MPLKIP: variants seen among roughly 807,000 people sequenced by gnomAD.
The protein encoded by MPLKIP is M-phase specific PLK1 interacting protein.
A neutral mutation model predicts 16.9 loss-of-function variants in MPLKIP; 16 were observed. The observed-to-expected ratio is 0.94, with a 90% CI of 0.64 to 1.43. MPLKIP has a LOEUF of 1.43. Ranked by LOEUF, MPLKIP falls within the 40% of genes most tolerant of loss-of-function variation. The probability of loss-of-function intolerance (pLI) is 0.00; values close to 1 mark genes in which losing one functional copy is unlikely to be tolerated. For missense variants in MPLKIP, 282 were observed against 237.6 expected (o/e 1.19, Z -1.23); for synonymous variants, 126 against 98.4 (o/e 1.28, Z -1.66).
At chr7:40,133,962 A>G (rs1424123835) in intron 1 of MPLKIP, among the ~76,000 whole-genome samples, 1 of 152,076 alleles carries the variant, frequency 6.6e-6, no homozygotes. Context: ...ACAGGAGGAA[A>G]TGGAGAATTA....
chr7:40,134,257 G>A lies in MPLKIP; in HGVS notation c.311C>T (p.Ser104Phe), dbSNP rs1053907559. 2 of 1,560,004 alleles carry A rather than the reference G, an allele frequency of 1.3e-6. No homozygotes were observed. Among genetic ancestry groups the A allele is most frequent in the Admixed American group, 1.9e-5 (1 of 52,092 alleles). The change falls in exon 1 of 2, where the codon TCC (serine) becomes TTC (phenylalanine). Residue 104 changes from serine to phenylalanine, a missense_variant. Transcript: ENST00000306984. ...PAGSQQQFGY[S>F]PGQQQTHPQG... ...GGGGTGGGTCTGCTGCTGCCCTGGG[G>A]AGTAGCCGAATTGCTGCTGGGACCC...
In MPLKIP at chr7:40,134,535, A is replaced by C. The variant is rs754784607; in HGVS notation, c.33T>G (p.Pro11=). Residue 11 remains proline, a synonymous_variant, in exon 1 of 2, where the codon CCT becomes CCG. Coordinates refer to ENST00000306984, the MANE Select transcript of MPLKIP (RefSeq NM_138701.4). MQRQNFRPPT[P]PYPGPGGGGW... is the part of the protein sequence containing the mutation. Reference sequence around the variant, plus strand: ...CTCCTCCACCCGGACCAGGGTAAGGAGGAGTTGGGGGCCGAAAATTCTGTC... The same window carrying C: ...CTCCTCCACCCGGACCAGGGTAAGGCGGAGTTGGGGGCCGAAAATTCTGTC... 1 of 1,594,090 alleles carries C rather than the reference A, an allele frequency of 6.3e-7. No homozygotes were observed. Among genetic ancestry groups the C allele is most frequent in the Non-Finnish European group, 8.5e-7 (1 of 1,172,120 alleles).
rs1173773768 is a variant in MPLKIP, at chr7:40,133,052, A to G, written c.*7T>C. 1 of 1,613,010 alleles carries G rather than the reference A, an allele frequency of 6.2e-7. No homozygotes were observed. Among genetic ancestry groups the G allele is most frequent in the Non-Finnish European group, 8.5e-7 (1 of 1,179,290 alleles). On this transcript the variant is annotated 3_prime_UTR_variant, in exon 2 of 2. Coordinates refer to ENST00000306984, the MANE Select transcript of MPLKIP (RefSeq NM_138701.4). Reference sequence around the variant, plus strand: ...CACATGAAGCTTCCAGTTGAATTTCAGAAATGTTAACAAAAGTATCTTCCT... The same window carrying G: ...CACATGAAGCTTCCAGTTGAATTTCGGAAATGTTAACAAAAGTATCTTCCT...
rs143634004 is a variant in MPLKIP at position 40,132,878 on chromosome 7, G to C, written c.*181C>G. 8 of 628,698 alleles carry C rather than the reference G, an allele frequency of 1.3e-5. No individual in the cohort carries two copies. In the East Asian group the frequency reaches 2.2e-4, roughly 18 times the overall value. 38.9% of individuals were successfully genotyped at this position (628,698 alleles called of 1,614,324 possible). ...GTAGGTACTTCCAGAGCTAAATGTT[G>C]CAAGTTATCCTACTTTTTTCTCTAA... is the stretch of plus-strand genomic sequence containing the variant. On this transcript the variant is annotated 3_prime_UTR_variant, in exon 2 of 2. Coordinates refer to ENST00000306984, the MANE Select transcript of MPLKIP (RefSeq NM_138701.4).
rs1018835641 is a variant in MPLKIP at position 40,132,559 on chromosome 7, G to A, written c.*500C>T. ...GCATTAGATAAAATGAGTATGAACA[G>A]AACTCTGTTATTCTCATCCTCATTA... On this transcript the variant is annotated 3_prime_UTR_variant, in exon 2 of 2. Coordinates refer to ENST00000306984, the MANE Select transcript of MPLKIP (RefSeq NM_138701.4). The A allele has an allele frequency of 5.6e-6, 1 of 178,422 alleles. No individual in the cohort carries two copies. The highest frequency in any genetic ancestry group is 1.2e-5 in the Non-Finnish European group (1 of 83,722). The allele number at this position is 178,422 out of a possible 1,614,324, so 11.1% of individuals were successfully genotyped here.
rs975466337 is a variant in MPLKIP at position 40,132,131 on chromosome 7, C to G, written c.*928G>C. 2.6e-5 allele frequency: 4 copies of G among 152,232 alleles called. No individual in the cohort carries two copies. The highest frequency in any genetic ancestry group is 9.7e-5 in the African/African-American group (4 of 41,450). The allele number at this position is 152,232 out of a possible 1,614,324, so 9.4% of individuals were successfully genotyped here. On this transcript the variant is annotated 3_prime_UTR_variant, in exon 2 of 2. Coordinates refer to ENST00000306984, the MANE Select transcript of MPLKIP (RefSeq NM_138701.4). The stretch of plus-strand genomic sequence containing the variant: ...TCCCTTAATTTGGAAAACCACTTCT[C>G]TACTCCAGGTAGGCCCAGTGGTGTT...
chr7:40,126,412 T>G lies in MPLKIP; in HGVS notation c.*6647A>C, dbSNP rs2150557686. On this transcript the variant is annotated 3_prime_UTR_variant, in exon 2 of 2. Coordinates refer to ENST00000306984, the MANE Select transcript of MPLKIP (RefSeq NM_138701.4). ...TCCTTTCTCCTATGGTCATTTAGAT[T>G]GTTGGCAATCTTTCAACTGTAAAAA... The G allele has an allele frequency of 6.6e-6, 1 of 152,370 alleles. No individual in the cohort carries two copies. The highest frequency in any genetic ancestry group is 1.5e-5 in the Non-Finnish European group (1 of 68,038). 9.4% of individuals were successfully genotyped at this position (152,370 alleles called of 1,614,324 possible).
rs1787408491 is a variant in MPLKIP at position 40,127,583 on chromosome 7, A to C, written c.*5476T>G. On this transcript the variant is annotated 3_prime_UTR_variant, in exon 2 of 2. Coordinates refer to ENST00000306984, the MANE Select transcript of MPLKIP (RefSeq NM_138701.4). Reference sequence around the variant, plus strand: ...AAAAGTATTGTATGGTATTTTATCAAACTAAGACATGTATTTAACATCTCT... The same window carrying C: ...AAAAGTATTGTATGGTATTTTATCACACTAAGACATGTATTTAACATCTCT... 1 of 152,080 alleles carries C rather than the reference A, an allele frequency of 6.6e-6. No individual in the cohort carries two copies. Among genetic ancestry groups the C allele is most frequent in the Non-Finnish European group, 1.5e-5 (1 of 68,016 alleles). The allele number at this position is 152,080 out of a possible 1,614,324, so 9.4% of individuals were successfully genotyped here. A position where few individuals can be genotyped will look rare whatever the true frequency, so the allele number is the denominator to read the frequency against.
At chr7:40,134,067 G>A (rs1032125295) in intron 1 of MPLKIP, among the ~76,000 whole-genome samples, 162 bp downstream of exon 1, 2 of 152,052 alleles carry the variant, frequency 1.3e-5, no homozygotes, top group Non-Finnish European at 2.9e-5. Flanking sequence ...ATAATCTTCC[G>A]GAAGTCACTC....
Position 40,132,496 on chromosome 7 carries a change from G to A in MPLKIP, c.*563C>T, listed in dbSNP as rs557665686. The stretch of plus-strand genomic sequence containing the variant: ...TGAGTATAAAGTTATGCTTAAATGG[G>A]TTTCTGGGGCTTCAAGTTTTAATGC... On this transcript the variant is annotated 3_prime_UTR_variant, in exon 2 of 2. Coordinates refer to ENST00000306984, the MANE Select transcript of MPLKIP (RefSeq NM_138701.4). 4.2e-4 allele frequency: 68 copies of A among 162,548 alleles called. No homozygotes were observed. Among genetic ancestry groups the A allele is most frequent in the Admixed American group, 6.5e-4 (11 of 16,858 alleles). 10.1% of individuals were successfully genotyped at this position (162,548 alleles called of 1,614,324 possible).
chr7:40,126,579 C>T lies in MPLKIP; in HGVS notation c.*6480G>A, dbSNP rs1009048742. ...CTCCCAAGTAGCTGGGATACAGGCACATGCCACCATGTCTAATTTTTGTAT... is the reference window on the plus strand; with the variant it reads ...CTCCCAAGTAGCTGGGATACAGGCATATGCCACCATGTCTAATTTTTGTAT... On this transcript the variant is annotated 3_prime_UTR_variant, in exon 2 of 2. Coordinates refer to ENST00000306984, the MANE Select transcript of MPLKIP (RefSeq NM_138701.4). 7 of 151,858 alleles carry T rather than the reference C, an allele frequency of 4.6e-5. No individual in the cohort carries two copies. The highest frequency in any genetic ancestry group is 1.7e-4 in the African/African-American group (7 of 41,328). 9.4% of individuals were successfully genotyped at this position (151,858 alleles called of 1,614,324 possible).
chr7:40,133,089 G>T lies in MPLKIP; in HGVS notation c.510C>A (p.Phe170Leu), dbSNP rs554944532. Residue 170 changes from phenylalanine to leucine, a missense_variant, in exon 2 of 2, where the codon TTC becomes TTA. By Grantham distance (22) the Phe-to-Leu change is conservative (BLOSUM62 0). Coordinates refer to ENST00000306984, the MANE Select transcript of MPLKIP (RefSeq NM_138701.4). Reference sequence around the variant, plus strand: ...AAAAGTATCTTCCTTTTTTGCCTGTGAATGTTTGAGTATTGCTGTATTGTT... The same window carrying T: ...AAAAGTATCTTCCTTTTTTGCCTGTTAATGTTTGAGTATTGCTGTATTGTT... Reference protein sequence around the residue: ...ISQQYSNTQTFTGKKGRYFC With the variant: ...ISQQYSNTQTLTGKKGRYFC The T allele has an allele frequency of 5.6e-6, 9 of 1,613,762 alleles. No individual in the cohort carries two copies. The African/African-American group carries it at 1.1e-4, about 19-fold the overall frequency.
rs767514655 is a variant in MPLKIP at position 40,133,211 on chromosome 7, TTTC to T, written c.385_387del (p.Glu129del). 6.2e-7 allele frequency: 1 copy of T among 1,613,806 alleles called. No homozygotes were observed. Among genetic ancestry groups the T allele is most frequent in the South Asian group, 1.1e-5 (1 of 91,080 alleles). Reference sequence around the variant, plus strand: ...TTTTCCAACTCATTAGACATTCTTTTTTCTCTAACACGCCCTGATCCAAATGGT... The same window carrying T: ...TTTTCCAACTCATTAGACATTCTTTTTCTAACACGCCCTGATCCAAATGGT... On this transcript the variant is annotated inframe_deletion, in exon 2 of 2. Coordinates refer to ENST00000306984, the MANE Select transcript of MPLKIP (RefSeq NM_138701.4).
Position 40,132,953 on chromosome 7 carries a change from T to A in MPLKIP, c.*106A>T. 3.1e-6 allele frequency: 3 copies of A among 971,240 alleles called. No individual in the cohort carries two copies. In the South Asian group the frequency reaches 4.1e-5, roughly 13 times the overall value. 60.2% of individuals were successfully genotyped at this position (971,240 alleles called of 1,614,324 possible). A position where few individuals can be genotyped will look rare whatever the true frequency, so the allele number is the denominator to read the frequency against. ...AAAATAACAAAAAGACCTTACTAATTATCCAATCAAAGTCATCATCTTTGG... is the reference window on the plus strand; with the variant it reads ...AAAATAACAAAAAGACCTTACTAATAATCCAATCAAAGTCATCATCTTTGG... On this transcript the variant is annotated 3_prime_UTR_variant, in exon 2 of 2. Coordinates refer to ENST00000306984, the MANE Select transcript of MPLKIP (RefSeq NM_138701.4).
rs1305267386 is a variant in MPLKIP, at chr7:40,132,306, G to A, written c.*753C>T. The A allele has an allele frequency of 5.3e-5, 8 of 152,260 alleles. No individual in the cohort carries two copies. Among genetic ancestry groups the A allele is most frequent in the Non-Finnish European group, 1.2e-4 (8 of 68,082 alleles). 9.4% of individuals were successfully genotyped at this position (152,260 alleles called of 1,614,324 possible). On this transcript the variant is annotated 3_prime_UTR_variant, in exon 2 of 2. Coordinates refer to ENST00000306984, the MANE Select transcript of MPLKIP (RefSeq NM_138701.4). ...ATTTGTCTTCTCTTGGATTGATGGA[G>A]ATGAGAGATGTTCTTTTTGCAATGG...
rs1018974337 is a variant in MPLKIP, at chr7:40,133,005, G to A, written c.*54C>T. The A allele has an allele frequency of 1.3e-6, 2 of 1,506,982 alleles. No homozygotes were observed. Among genetic ancestry groups the A allele is most frequent in the Non-Finnish European group, 1.8e-6 (2 of 1,087,804 alleles). The allele number at this position is 1,506,982 out of a possible 1,614,324, so 93.4% of individuals were successfully genotyped here. On this transcript the variant is annotated 3_prime_UTR_variant, in exon 2 of 2. Transcript: ENST00000306984. ...TAAATTTATATCAACACAACTTAAA[G>A]TTTTGTCCAAGATGTTCCTGACACA... is the stretch of plus-strand genomic sequence containing the variant.
At position 40,132,012 on chromosome 7, in the gene MPLKIP, A is replaced by T. The variant is rs577484918; in HGVS notation, c.*1047T>A. On this transcript the variant is annotated 3_prime_UTR_variant, in exon 2 of 2. Transcript: ENST00000306984. ...TTGGGCAACAGACTCCATCTCAAAA[A>T]ACAAACAAAAAACCACTTGATTTTT... 6.6e-6 allele frequency: 1 copy of T among 152,250 alleles called. No individual in the cohort carries two copies. The allele number at this position is 152,250 out of a possible 1,614,324, so 9.4% of individuals were successfully genotyped here. A position where few individuals can be genotyped will look rare whatever the true frequency, so the allele number is the denominator to read the frequency against.
intron 1 of MPLKIP, among the ~76,000 whole-genome samples, chr7:40,133,886 TAA>T (rs34937720): frequency 1.1e-3 from 121 of 105,532 alleles, no homozygotes; most frequent in African/African-American, 3.7e-3. Context: ...GAAAGAAAGA[TAA>T]AAAAAAAAAA....
rs886041703 is a variant in MPLKIP, at chr7:40,134,394, A to AG, written c.173dup (p.Arg59Ter). 6.4e-7 allele frequency: 1 copy of AG among 1,561,744 alleles called. No homozygotes were observed. The highest frequency in any genetic ancestry group is 1.2e-5 in the South Asian group (1 of 85,404). ...GAGAGTGACTGCTCCCGTACGGCCT[A>AG]GACCGGGGCCCGTACGGCGGCGTGT... is the stretch of plus-strand genomic sequence containing the variant. On this transcript the variant is annotated frameshift_variant, in exon 1 of 2. Transcript: ENST00000306984. LOFTEE classifies it high-confidence loss of function.
Sources: gnomAD v4.1 joint callset for allele counts (sites outside exome capture counted in the v4.1 genomes callset) on GRCh38, gnomAD v4.1.1 for gene constraint, MANE v1.5 for transcripts, NCBI Gene and HGNC (gene_info 2026-07-23, HGNC 2026-07-21) for gene names.